Variants in ARF4 observed in about 807,000 individuals in gnomAD.
ARF4 encodes the protein ADP-ribosylation factor 4.
A neutral mutation model predicts 24.3 loss-of-function variants in ARF4; 5 were observed. The ratio of observed to expected loss-of-function variants is 0.21; its 90% CI spans 0.11 to 0.43. ARF4 has a LOEUF of 0.43. Among genes scored for constraint, ARF4 ranks in the 20% least tolerant of loss-of-function variants. ARF4 has a pLI of 1.00. For missense variants in ARF4, 107 were observed against 213.0 expected (o/e 0.50, Z 3.10); for synonymous variants, 62 against 73.5 (o/e 0.84, Z 0.80).
intron 1 of ARF4, among the ~76,000 whole-genome samples, chr3:57,592,039 G>A (rs2070122603): frequency 1.3e-5 from 2 of 151,768 alleles, no homozygotes; most frequent in South Asian, 4.2e-4. Context: ...ACTTTAACAG[G>A]GTAAACTTTA....
chr3:57,595,880 G>A (rs1216718386), intron 1 of ARF4, among the ~76,000 whole-genome samples: 1 of 152,022 alleles, frequency 6.6e-6, no homozygotes, highest in Non-Finnish European at 1.5e-5. Flanking sequence ...GAACCCGGGA[G>A]GTGGAGGTTG....
chr3:57,576,506 T>G (rs1268160363), intron 4 of ARF4, among the ~76,000 whole-genome samples: 1 of 96,888 alleles, frequency 1.0e-5, no homozygotes. Context: ...CAACCAAGCT[T>G]TTTTTTTTTT....
rs951569388 is a variant in ARF4 at position 57,572,011 on chromosome 3, A to C, written c.*201T>G. On this transcript the variant is annotated 3_prime_UTR_variant, in exon 6 of 6. Coordinates refer to ENST00000303436, the MANE Select transcript of ARF4 (RefSeq NM_001660.4). Reference sequence around the variant, plus strand: ...ATTAAAAGAGGATACTTTTTTCCCAAGGAGAATTTCTTTAAAACCAAGCAC... The same window carrying C: ...ATTAAAAGAGGATACTTTTTTCCCACGGAGAATTTCTTTAAAACCAAGCAC... The C allele has an allele frequency of 1.9e-5, 9 of 482,518 alleles. No homozygotes were observed. Among genetic ancestry groups the C allele is most frequent in the Non-Finnish European group, 3.0e-5 (8 of 270,064 alleles). 29.9% of individuals were successfully genotyped at this position (482,518 alleles called of 1,614,324 possible).
At chr3:57,588,027 T>C (rs1273680481) in intron 1 of ARF4, among the ~76,000 whole-genome samples, 1 of 152,238 alleles carries the variant, frequency 6.6e-6, no homozygotes, top group Non-Finnish European at 1.5e-5. Flanking sequence ...TTGAGCCACT[T>C]CAGTCATTTC....
At chr3:57,591,929 G>GT (rs1167943154) in intron 1 of ARF4, among the ~76,000 whole-genome samples, 1 of 152,130 alleles carries the variant, frequency 6.6e-6, no homozygotes, top group African/African-American at 2.4e-5. Flanking sequence ...TTACTAATGG[G>GT]TATCAGGTTT....
intron 1 of ARF4, among the ~76,000 whole-genome samples, chr3:57,586,429 CG>C (rs2153409086): frequency 6.6e-6 from 1 of 152,268 alleles, no homozygotes; most frequent in South Asian, 2.1e-4. Flanking sequence ...AAAACAGAAG[CG>C]AAGGCTACAG....
At chr3:57,573,201 CA>C (rs35901487) in intron 5 of ARF4, among the ~76,000 whole-genome samples, 356 of 125,690 alleles carry the variant, frequency 2.8e-3, no homozygotes, top group African/African-American at 7.5e-3. Context: ...GACTCCATCT[CA>C]AAAAAAAAAA....
intron 1 of ARF4, among the ~76,000 whole-genome samples, chr3:57,585,851 G>A (rs1384710465): frequency 2.0e-5 from 3 of 151,816 alleles, no homozygotes; most frequent in South Asian, 2.1e-4. Flanking sequence ...TAGTAGAGAC[G>A]GGGTTTCACC....
chr3:57,581,228 A>AT (rs758308063), intron 3 of ARF4, among the ~76,000 whole-genome samples: 7 of 152,196 alleles, frequency 4.6e-5, no homozygotes, highest in Non-Finnish European at 7.3e-5. Flanking sequence ...AGGAGAACTG[A>AT]TCAGTAATGC....
chr3:57,589,956 TG>T (rs2070088174), intron 1 of ARF4, among the ~76,000 whole-genome samples: 1 of 149,044 alleles, frequency 6.7e-6, no homozygotes, highest in Non-Finnish European at 1.5e-5. Context: ...CCAGGCATGG[TG>T]GCGGGCGCCT....
intron 3 of ARF4, among the ~76,000 whole-genome samples, chr3:57,580,981 G>C (rs1373352897): frequency 6.6e-6 from 1 of 152,062 alleles, no homozygotes; most frequent in Non-Finnish European, 1.5e-5. Context: ...ATTATTTTAG[G>C]TATTAATCCC....
chr3:57,587,690 A>C (rs2070056259), intron 1 of ARF4, among the ~76,000 whole-genome samples: 1 of 152,024 alleles, frequency 6.6e-6, no homozygotes, highest in Admixed American at 6.6e-5. Context: ...TACTCATTTT[A>C]CTTTTTTAAA....
chr3:57,595,146 TC>T (rs971964065), intron 1 of ARF4, among the ~76,000 whole-genome samples: 8 of 152,150 alleles, frequency 5.3e-5, no homozygotes, highest in African/African-American at 1.9e-4. Flanking sequence ...GGGAAATGCC[TC>T]CCAATATAGT....
chr3:57,591,030 C>A (rs1018061323), intron 1 of ARF4, among the ~76,000 whole-genome samples: 2 of 151,992 alleles, frequency 1.3e-5, no homozygotes, highest in African/African-American at 4.8e-5. Context: ...CATTTAATGT[C>A]CAGAAATGTC....
intron 1 of ARF4, among the ~76,000 whole-genome samples, chr3:57,587,268 G>A (rs555262562): frequency 4.9e-5 from 7 of 143,634 alleles, no homozygotes; most frequent in South Asian, 2.2e-4. Flanking sequence ...GCAGTGAGCC[G>A]AGATCGTGCC....
intron 3 of ARF4, among the ~76,000 whole-genome samples, chr3:57,578,894 G>A (rs935819182): frequency 6.6e-6 from 1 of 151,496 alleles, no homozygotes; most frequent in South Asian, 2.1e-4. Flanking sequence ...TAGAAAAGGG[G>A]GGGGGCAAAA....
intron 1 of ARF4, among the ~76,000 whole-genome samples, chr3:57,590,400 C>T (rs113572012): frequency 5.3e-5 from 8 of 151,070 alleles, no homozygotes; most frequent in Admixed American, 1.3e-4. Flanking sequence ...GCAGGAGAAT[C>T]GCTTGAACCC....
intron 4 of ARF4, 36 bp from the exon 5 acceptor site, chr3:57,575,709 C>T (rs1662169974): frequency 1.9e-6 from 3 of 1,567,376 alleles, no homozygotes; most frequent in African/African-American, 1.4e-5. Context: ...CAACTACCAA[C>T]CGGAATCCAA....
intron 3 of ARF4, among the ~76,000 whole-genome samples, chr3:57,578,309 C>T (rs1055620591): frequency 1.3e-5 from 2 of 151,068 alleles, no homozygotes; most frequent in African/African-American, 4.9e-5. Flanking sequence ...AATCCCAGCA[C>T]TATGGGAAGC....
Sources: gnomAD v4.1 joint callset for allele counts (sites outside exome capture counted in the v4.1 genomes callset) on GRCh38, gnomAD v4.1.1 for gene constraint, MANE v1.5 for transcripts, NCBI Gene and HGNC (gene_info 2026-07-23, HGNC 2026-07-21) for gene names.